The following AKAP12 variants were observed in gnomAD, a reference collection of about 807,000 sequenced individuals.
The protein encoded by AKAP12 is A-kinase anchoring protein 12, also known as A-kinase anchor protein 12.
AKAP12 carries 32 observed loss-of-function variants against 79.9 expected under a neutral mutation model. That is an observed-to-expected ratio of 0.40 (90% CI 0.30 to 0.54). AKAP12 has a LOEUF of 0.54. Among genes scored for constraint, AKAP12 ranks in the 20% least tolerant of loss-of-function variants. The probability of loss-of-function intolerance (pLI) is 0.48; values close to 1 mark genes in which losing one functional copy is unlikely to be tolerated. For missense variants in AKAP12, 2,074 were observed against 2,177.0 expected (o/e 0.95, Z 0.94); for synonymous variants, 808 against 857.0 (o/e 0.94, Z 1.00).
chr6:151,269,535 CAA>C (rs1305597677), intron 2 of AKAP12, among the ~76,000 whole-genome samples: 1 of 152,068 alleles, frequency 6.6e-6, no homozygotes, highest in Non-Finnish European at 1.5e-5. Flanking sequence ...TTGCTCAACT[CAA>C]GAGGCATTGT....
chr6:151,353,700 AAG>A lies in AKAP12; in HGVS notation c.5317_5318del (p.Glu1773IlefsTer34), dbSNP rs775772876. On this transcript the variant is annotated frameshift_variant, in exon 4 of 5. Transcript: ENST00000402676. LOFTEE classifies it low-confidence loss of function (END_TRUNC). ...CAAGCACAGGAGGAGTTACAGAAAC[AAG>A]AGAGAGAATCTGCAAAGTCAGAACT... The A allele has an allele frequency of 6.2e-7, 1 of 1,605,150 alleles. No individual in the cohort carries two copies. The highest frequency in any genetic ancestry group is 1.1e-5 in the South Asian group (1 of 89,918).
intron 2 of AKAP12, among the ~76,000 whole-genome samples, chr6:151,300,215 T>C (rs1776831658): frequency 6.6e-6 from 1 of 152,202 alleles, no homozygotes; most frequent in African/African-American, 2.4e-5. Flanking sequence ...CAGATAATCT[T>C]TAAGTCTGAT....
At chr6:151,283,219 T>G (rs1776440970) in intron 2 of AKAP12, among the ~76,000 whole-genome samples, 1 of 152,152 alleles carries the variant, frequency 6.6e-6, no homozygotes, top group African/African-American at 2.4e-5. Flanking sequence ...AGATCAGCTC[T>G]TAGGATATTG....
At chr6:151,259,860 A>G (rs191373347) in intron 2 of AKAP12, among the ~76,000 whole-genome samples, 53 of 151,472 alleles carry the variant, frequency 3.5e-4, no homozygotes, top group African/African-American at 1.3e-3. Flanking sequence ...TACAGGCATG[A>G]GCCACTGCAC....
intron 3 of AKAP12, among the ~76,000 whole-genome samples, chr6:151,315,520 A>G (rs1562734873): frequency 6.6e-6 from 1 of 152,244 alleles, no homozygotes; most frequent in Non-Finnish European, 1.5e-5. Flanking sequence ...GGGGAGGGAC[A>G]CAAACATTCA....
At chr6:151,333,306 G>A (rs1777725245) in intron 3 of AKAP12, among the ~76,000 whole-genome samples, 1 of 152,086 alleles carries the variant, frequency 6.6e-6, no homozygotes, top group African/African-American at 2.4e-5. Context: ...TCCCAGCAGT[G>A]GGAGTGGGTT....
At chr6:151,341,508 A>G (rs1312901283) in intron 3 of AKAP12, among the ~76,000 whole-genome samples, 2 of 152,092 alleles carry the variant, frequency 1.3e-5, no homozygotes, top group Non-Finnish European at 2.9e-5. Flanking sequence ...TGGGAGGTCG[A>G]GGGCTGGCGC....
chr6:151,324,819 A>G (rs2114784358), intron 3 of AKAP12: 6 of 985,460 alleles, frequency 6.1e-6, no homozygotes, highest in Non-Finnish European at 7.2e-6. Flanking sequence ...TCGTGTCTTT[A>G]CAAAGAACAA....
chr6:151,284,194 G>A (rs1457549128), intron 2 of AKAP12, among the ~76,000 whole-genome samples: 1 of 152,092 alleles, frequency 6.6e-6, no homozygotes, highest in African/African-American at 2.4e-5. Context: ...TCTGACTTCT[G>A]TCTGCACAGA....
Position 151,325,863 on chromosome 6 carries a change from G to T in AKAP12, c.319+19960G>T, listed in dbSNP as rs771757771. The stretch of plus-strand genomic sequence containing the variant: ...TGTACAGTAGTGCTACTTAAAATAT[G>T]CTGGGGACCATCACCATCACAGGTA... On this transcript the variant is annotated intron_variant, in intron 3 of 4. Transcript: ENST00000402676. 5 of 1,614,092 alleles carry T rather than the reference G, an allele frequency of 3.1e-6. No individual in the cohort carries two copies. In the Admixed American group the frequency reaches 5.0e-5, roughly 16 times the overall value.
chr6:151,299,756 GTTT>G (rs71014572), intron 2 of AKAP12, among the ~76,000 whole-genome samples: 4 of 141,774 alleles, frequency 2.8e-5, no homozygotes. Context: ...ACATTTAAGG[GTTT>G]TTTTTTTTTT....
chr6:151,326,195 T>C (rs1777520171), intron 3 of AKAP12, among the ~76,000 whole-genome samples: 1 of 152,140 alleles, frequency 6.6e-6, no homozygotes, highest in Non-Finnish European at 1.5e-5. Flanking sequence ...GAGAGAGGGA[T>C]GTGGAGAGGA....
chr6:151,279,830 G>T (rs941684753), intron 2 of AKAP12, among the ~76,000 whole-genome samples: 3 of 151,990 alleles, frequency 2.0e-5, no homozygotes, highest in African/African-American at 7.3e-5. Context: ...CTGGGTGATG[G>T]AGTGAGACCT....
intron 4 of AKAP12, among the ~76,000 whole-genome samples, chr6:151,355,056 CGCAATCTCAGCTCACT>C (rs1562757786): frequency 1.3e-5 from 2 of 152,148 alleles, no homozygotes; most frequent in South Asian, 2.1e-4. Context: ...AGTGCAGTGG[CGCAATCTCAGCTCACT>C]GCAACCTCAG....
chr6:151,320,871 G>A (rs2347436), intron 3 of AKAP12, among the ~76,000 whole-genome samples: 42,386 of 152,050 alleles, frequency 0.28, 6,005 homozygotes, highest in East Asian at 0.38. Context: ...TTTGTGAGCT[G>A]TAATTCACAT....
At chr6:151,300,913 G>A (rs1653503487) in intron 2 of AKAP12, among the ~76,000 whole-genome samples, 2 of 152,150 alleles carry the variant, frequency 1.3e-5, no homozygotes, top group South Asian at 4.1e-4. Context: ...ATGTTTAAGT[G>A]TAAGGAGCGT....
At chr6:151,282,525 G>T (rs1776430402) in intron 2 of AKAP12, among the ~76,000 whole-genome samples, 1 of 152,184 alleles carries the variant, frequency 6.6e-6, no homozygotes, top group Non-Finnish European at 1.5e-5. Context: ...GCCCAGGGAA[G>T]AGGCTTGCAT....
intron 2 of AKAP12, among the ~76,000 whole-genome samples, chr6:151,298,133 C>T (rs1396378091): frequency 6.6e-6 from 1 of 152,108 alleles, no homozygotes; most frequent in Non-Finnish European, 1.5e-5. Context: ...TTCTGTTTCC[C>T]CCATGCTTTC....
In AKAP12 at chr6:151,261,378, A is replaced by C. The variant is rs528305462; in HGVS notation, c.162+20654A>C. Among the ~76,000 whole-genome samples, 6 of 151,310 alleles carry C rather than the reference A, an allele frequency of 4.0e-5. No homozygotes were observed. In the East Asian group the frequency reaches 5.9e-4, roughly 15 times the overall value. On this transcript the variant is annotated intron_variant, in intron 2 of 4. Transcript: ENST00000402676. ...AGAATGAGACTCCATCTAAAAAAAA[A>C]CCCATAAAATAAAATAAAAACCAAT...
Sources: allele counts gnomAD v4.1 joint callset (sites outside exome capture counted in the v4.1 genomes callset), GRCh38; gene constraint gnomAD v4.1.1; transcripts MANE v1.5; gene names NCBI Gene and HGNC (gene_info 2026-07-23, HGNC 2026-07-21).